The following PROS1 variants were observed in gnomAD, a reference collection of about 807,000 sequenced individuals.
PROS1 encodes the protein vitamin K-dependent protein S.
In PROS1, 29 loss-of-function variants were observed where a neutral mutation model predicts 75.9. The ratio of observed to expected loss-of-function variants is 0.38; its 90% CI spans 0.28 to 0.52. PROS1 has a LOEUF of 0.52. PROS1 is among the 20% of genes least tolerant of loss of function. The pLI is 0.83. For missense variants in PROS1, 680 were observed against 810.3 expected, an observed-to-expected ratio of 0.84 and a Z score of 1.95; for synonymous variants, 245 against 280.6, an observed-to-expected ratio of 0.87 and a Z score of 1.27.
chr3:93,967,554 TA>T (rs935829805), intron 1 of PROS1, among the ~76,000 whole-genome samples: 4 of 152,214 alleles, frequency 2.6e-5, no homozygotes, highest in Admixed American at 1.3e-4. Context: ...AATATGGTTT[TA>T]AAAAATATGG....
chr3:93,952,501 G>A (rs926317146), intron 1 of PROS1, among the ~76,000 whole-genome samples: 8 of 152,122 alleles, frequency 5.3e-5, no homozygotes, highest in Admixed American at 1.3e-4. Context: ...CAAAATGAAG[G>A]CAGAAATAAA....
Position 93,893,133 on chromosome 3 carries a change from G to A in PROS1, c.966-11C>T. 1 of 1,601,376 alleles carries A rather than the reference G, an allele frequency of 6.2e-7. No individual in the cohort carries two copies. Among genetic ancestry groups the A allele is most frequent in the Non-Finnish European group, 8.5e-7 (1 of 1,170,922 alleles). On this transcript the variant is annotated splice_polypyrimidine_tract_variant and intron_variant, in intron 9 of 14. Coordinates refer to ENST00000394236, the MANE Select transcript of PROS1 (RefSeq NM_000313.4). ...AATTCTGCTGAAAATCTAAACAATG[G>A]ACAAAGAGAGATCCTTAAGAGTAAG...
intron 1 of PROS1, among the ~76,000 whole-genome samples, chr3:93,938,689 T>C (rs1001687328): frequency 7.2e-5 from 11 of 152,164 alleles, no homozygotes; most frequent in Non-Finnish European, 1.6e-4. Flanking sequence ...CAGTTTTTTT[T>C]CCTCTCTAGT....
intron 14 of PROS1, among the ~76,000 whole-genome samples, chr3:93,875,662 CT>C (rs58429775): frequency 1.5e-5 from 2 of 136,872 alleles, no homozygotes; most frequent in Admixed American, 6.9e-5. Context: ...ATCTATCTAT[CT>C]ATCTATCTAT....
intron 1 of PROS1, among the ~76,000 whole-genome samples, chr3:93,973,064 G>A (rs1167331255): frequency 6.6e-6 from 1 of 152,142 alleles, no homozygotes; most frequent in African/African-American, 2.4e-5. Flanking sequence ...TCAGTGGCAT[G>A]CAGTGTTAAA....
intron 1 of PROS1, among the ~76,000 whole-genome samples, chr3:93,927,991 G>GTA (rs145009652): frequency 1.3e-4 from 2 of 15,166 alleles, no homozygotes; most frequent in Non-Finnish European, 2.8e-4. Flanking sequence ...ATGTGTGTGT[G>GTA]TGTATATATA....
intron 1 of PROS1, among the ~76,000 whole-genome samples, chr3:93,938,107 T>C (rs1166008115): frequency 3.3e-5 from 5 of 152,180 alleles, no homozygotes; most frequent in Admixed American, 1.3e-4. Flanking sequence ...GACCTGCACA[T>C]ATAGATCCAG....
At chr3:93,933,982 C>T (rs1709144665) in intron 1 of PROS1, among the ~76,000 whole-genome samples, 1 of 147,206 alleles carries the variant, frequency 6.8e-6, no homozygotes, top group African/African-American at 2.6e-5. Context: ...GCACTCCAGC[C>T]TGGGCGACAG....
At chr3:93,918,572 T>G (rs1242733092) in intron 3 of PROS1, among the ~76,000 whole-genome samples, 1 of 152,148 alleles carries the variant, frequency 6.6e-6, no homozygotes. Context: ...AACAAACTCC[T>G]GATACGCCGC....
intron 14 of PROS1, among the ~76,000 whole-genome samples, chr3:93,875,238 T>G (rs1708164792): frequency 6.6e-6 from 1 of 152,120 alleles, no homozygotes; most frequent in African/African-American, 2.4e-5. Context: ...CATTCGATTT[T>G]GAGGAAAGAA....
At position 93,924,252 on chromosome 3, in the gene PROS1, G is replaced by T; in HGVS notation, c.247C>A (p.Pro83Thr). The change falls in exon 3 of 15, where the codon CCA becomes ACA. Residue 83 changes from proline (P) to threonine (T), a missense_variant. Transcript: ENST00000394236. ...GTTTTGAACTTACCTAAGTATTTTG[G>T]ATAAAAATAATCCTAGAAAGAAGAA... ...ENDPETDYFYPKYLVCLRSFQ... is the reference protein window; with the variant it reads ...ENDPETDYFYTKYLVCLRSFQ... The T allele has an allele frequency of 7.8e-7, 1 of 1,289,760 alleles. No homozygotes were observed. The highest frequency in any genetic ancestry group is 1.1e-6 in the Non-Finnish European group (1 of 942,864). The allele number at this position is 1,289,760 out of a possible 1,614,324, so 79.9% of individuals were successfully genotyped here. A position where few individuals can be genotyped will look rare whatever the true frequency, so the allele number is the denominator to read the frequency against.
At chr3:93,918,558 A>C (rs1433515297) in intron 3 of PROS1, among the ~76,000 whole-genome samples, 1 of 152,084 alleles carries the variant, frequency 6.6e-6, no homozygotes, top group Non-Finnish European at 1.5e-5. Flanking sequence ...CGAACATCAG[A>C]AGGAACAAAC....
intron 10 of PROS1, among the ~76,000 whole-genome samples, chr3:93,890,622 T>TA (rs1708418388): frequency 6.6e-6 from 1 of 152,162 alleles, no homozygotes; most frequent in South Asian, 2.1e-4. Flanking sequence ...AGCCGACACT[T>TA]ATGGAAAATA....
intron 9 of PROS1, among the ~76,000 whole-genome samples, chr3:93,895,098 T>C (rs191534067): frequency 6.6e-5 from 10 of 152,276 alleles, no homozygotes; most frequent in African/African-American, 2.2e-4. Context: ...CTTTAAGTCG[T>C]CTCTACATTA....
intron 1 of PROS1, among the ~76,000 whole-genome samples, chr3:93,933,430 C>G (rs1192431685): frequency 6.6e-6 from 1 of 151,952 alleles, no homozygotes; most frequent in East Asian, 1.9e-4. Flanking sequence ...TAAAAAGTAG[C>G]TGGGCATGGT....
chr3:93,953,493 T>C (rs535400929), intron 1 of PROS1, among the ~76,000 whole-genome samples: 1 of 152,242 alleles, frequency 6.6e-6, no homozygotes, highest in South Asian at 2.1e-4. Context: ...ATTATATCAA[T>C]AGATGCAGAA....
chr3:93,896,645 A>G lies in PROS1; in HGVS notation c.896T>C (p.Leu299Ser), dbSNP rs1481549693. 5 of 1,613,910 alleles carry G rather than the reference A, an allele frequency of 3.1e-6. No homozygotes were observed. Among genetic ancestry groups the G allele is most frequent in the Non-Finnish European group, 4.2e-6 (5 of 1,179,862 alleles). The change falls in exon 9 of 15, where the codon TTA becomes TCA. Residue 299 changes from leucine to serine, a missense_variant. Coordinates refer to ENST00000394236, the MANE Select transcript of PROS1 (RefSeq NM_000313.4). ...LPLNLDTKYE[L>S]LYLAEQFAGV... ...TGCAAACTGCTCCGCCAAGTAAAGTAATTCATACTTTGTGTCAAGGTTCAA... is the reference window on the plus strand; with the variant it reads ...TGCAAACTGCTCCGCCAAGTAAAGTGATTCATACTTTGTGTCAAGGTTCAA...
chr3:93,949,016 A>G lies in PROS1; in HGVS notation c.77-21609T>C, dbSNP rs74456906. On this transcript the variant is annotated intron_variant, in intron 1 of 14. Transcript: ENST00000394236. ...AAGCATGGCACAGTAACAGAATAAC[A>G]GTTCATGGAACATGTGTTTATCAGG... is the stretch of plus-strand genomic sequence containing the variant. Among the ~76,000 whole-genome samples, 3 of 152,230 alleles carry G rather than the reference A, an allele frequency of 2.0e-5. No individual in the cohort carries two copies. In the South Asian group the frequency reaches 6.2e-4, roughly 32 times the overall value.
In PROS1 at chr3:93,899,148, GT is replaced by G. The variant is rs74466761; in HGVS notation, c.728-580del. The stretch of plus-strand genomic sequence containing the variant: ...TGGCAGTGAATTTAGGGAAATATCT[GT>G]TTTTTTTTTTTTAAAAAACCTCACT... On this transcript the variant is annotated intron_variant, in intron 7 of 14. Transcript: ENST00000394236. Among the ~76,000 whole-genome samples the G allele has an allele frequency of 5.3e-3, 749 of 142,492 alleles. 6 individuals are homozygous for G. Among genetic ancestry groups the G allele is most frequent in the African/African-American group, 0.015 (606 of 39,120 alleles). 93.5% of individuals were successfully genotyped at this position (142,492 alleles called of 152,430 possible).
Sources: allele counts gnomAD v4.1 joint callset (sites outside exome capture counted in the v4.1 genomes callset), GRCh38; gene constraint gnomAD v4.1.1; transcripts MANE v1.5; gene names NCBI Gene and HGNC (gene_info 2026-07-23, HGNC 2026-07-21).